The following CC2D1B variants were observed in gnomAD, a reference collection of about 807,000 sequenced individuals.
CC2D1B encodes coiled-coil and C2 domain-containing protein 1B.
CC2D1B carries 92 observed loss-of-function variants against 110.8 expected under a neutral mutation model. That is an observed-to-expected ratio of 0.83 (90% CI 0.70 to 0.99). The LOEUF is 0.99. Ranked by LOEUF, CC2D1B falls within the 50% of genes least tolerant of loss-of-function variation. The probability of loss-of-function intolerance (pLI) is 0.00; values close to 1 mark genes in which losing one functional copy is unlikely to be tolerated. For synonymous variants in CC2D1B, 406 were observed against 429.2 expected (o/e 0.95, Z 0.67); for missense variants, 1,136 against 1,089.0 (o/e 1.04, Z -0.61).
At chr1:52,359,999 T>C in intron 7 of CC2D1B, 75 bp downstream of exon 7, 1 of 1,546,786 alleles carries the variant, frequency 6.5e-7, no homozygotes, top group Non-Finnish European at 8.7e-7. Context: ...TAATGAACAG[T>C]GGTGGCAGGC....
intron 7 of CC2D1B, 33 bp downstream of exon 7, chr1:52,360,041 G>A: frequency 1.3e-6 from 2 of 1,555,814 alleles, no homozygotes; most frequent in Non-Finnish European, 1.7e-6. Flanking sequence ...ATGACCCCAG[G>A]AACTAGAACA....
At chr1:52,355,498 A>G in intron 20 of CC2D1B, 49 bp from the exon 21 acceptor site, 1 of 1,611,502 alleles carries the variant, frequency 6.2e-7, no homozygotes. Flanking sequence ...ACAAAGAGGC[A>G]CACAGGGCAG....
chr1:52,357,898 C>G lies in CC2D1B; in HGVS notation c.1462G>C (p.Gly488Arg), dbSNP rs778588123. ...SAPADKDEDEGEPPAQAPVAK... is the reference protein window; with the variant it reads ...SAPADKDEDEREPPAQAPVAK... ...ACTGGGGCCTGTGCTGGGGGCTCAC[C>G]CTGCAGGTGCCCAGGAGGCTGTTAG... Residue 488 changes from glycine to arginine, a missense_variant and splice_region_variant, in exon 14 of 25, where the codon GGT becomes CGT. Coordinates refer to ENST00000284376, the MANE Select transcript of CC2D1B (RefSeq NM_001330585.2). 3 of 1,546,458 alleles carry G rather than the reference C, an allele frequency of 1.9e-6. No individual in the cohort carries two copies. Among genetic ancestry groups the G allele is most frequent in the Non-Finnish European group, 2.6e-6 (3 of 1,152,854 alleles).
rs1646536315 is a variant in CC2D1B, at chr1:52,351,886, A to AT, written c.*1338_*1339insA. ...CTGGCAGAGAGCTACTCTGTCTCAA[A>AT]AAAAAAAAAAAAAAAAAAATCGGCC... On this transcript the variant is annotated 3_prime_UTR_variant, in exon 25 of 25. Coordinates refer to ENST00000284376, the MANE Select transcript of CC2D1B (RefSeq NM_001330585.2). 6.8e-6 allele frequency: 1 copy of AT among 146,322 alleles called. No homozygotes were observed. Among genetic ancestry groups the AT allele is most frequent in the Admixed American group, 7.0e-5 (1 of 14,234 alleles). The allele number at this position is 146,322 out of a possible 1,614,324, so 9.1% of individuals were successfully genotyped here.
intron 15 of CC2D1B, 149 bp downstream of exon 15, chr1:52,357,377 A>T: frequency 2.1e-6 from 2 of 943,408 alleles, no homozygotes; most frequent in African/African-American, 1.7e-5. Context: ...GAGGTAGAGG[A>T]GTATGAGCAA....
intron 3 of CC2D1B, among the ~76,000 whole-genome samples, 191 bp from the exon 4 acceptor site, chr1:52,361,807 C>A (rs1458673122): frequency 1.3e-5 from 2 of 152,158 alleles, no homozygotes; most frequent in African/African-American, 2.4e-5. Context: ...CTTGGCCCCC[C>A]ACCAAGCAAC....
In CC2D1B at chr1:52,356,079, G is replaced by A. The variant is rs145593443; in HGVS notation, c.2054+107C>T. On this transcript the variant is annotated intron_variant, in intron 18 of 24. Coordinates refer to ENST00000284376, the MANE Select transcript of CC2D1B (RefSeq NM_001330585.2). ...CCTCAGCAGCCCCAGTGCCCACAGC[G>A]GGGCCAGGCTTGGGAAGCCTCACTA... 762 of 1,056,874 alleles carry A rather than the reference G, an allele frequency of 7.2e-4. 4 individuals are homozygous for A. In the Middle Eastern group the frequency reaches 0.013, roughly 18 times the overall value. The allele number at this position is 1,056,874 out of a possible 1,614,324, so 65.5% of individuals were successfully genotyped here.
At chr1:52,353,881 CTCTGT>C in intron 23 of CC2D1B, 1 of 437,674 alleles carries the variant, frequency 2.3e-6, no homozygotes, top group South Asian at 3.3e-5. Flanking sequence ...CATCCTAGAG[CTCTGT>C]TCATTTTCTC....
At chr1:52,365,076 C>T (rs1301364045) in intron 1 of CC2D1B, among the ~76,000 whole-genome samples, 1 of 152,212 alleles carries the variant, frequency 6.6e-6, no homozygotes, top group Non-Finnish European at 1.5e-5. Context: ...GGGCTATGAC[C>T]AGACAGCACA....
At chr1:52,358,143 G>A in intron 13 of CC2D1B, 188 bp downstream of exon 13, 1 of 956,104 alleles carries the variant, frequency 1.0e-6, no homozygotes, top group Non-Finnish European at 1.5e-6. Flanking sequence ...TCTGGGTTCA[G>A]AAAGACCTTG....
intron 11 of CC2D1B, 65 bp downstream of exon 11, chr1:52,358,962 G>A (rs1002267858): frequency 4.7e-5 from 74 of 1,585,786 alleles, no homozygotes; most frequent in Non-Finnish European, 5.9e-5. Context: ...GGAGGACCAG[G>A]GAGACAGAGC....
rs369992910 is a variant in CC2D1B at position 52,359,157 on chromosome 1, A to G, written c.1127T>C (p.Val376Ala). 3.4e-5 allele frequency: 54 copies of G among 1,609,576 alleles called. No homozygotes were observed. In the African/African-American group the frequency reaches 5.2e-4, roughly 16 times the overall value. The change falls in exon 11 of 25, where the codon GTG (valine) becomes GCG (alanine). Residue 376 changes from valine (V) to alanine (A), a missense_variant and splice_region_variant. Coordinates refer to ENST00000284376, the MANE Select transcript of CC2D1B (RefSeq NM_001330585.2). The part of the protein sequence containing the change: ...VMAPDVPATP[V>A]APTESQTVLD... ...CACTGTCTGTGACTCTGTAGGGGCC[A>G]CTTGAAGGAAAGAAGGAAGAAGTGG... is the stretch of plus-strand genomic sequence containing the variant.
Position 52,354,853 on chromosome 1 carries a change from T to C in CC2D1B, c.2326A>G (p.Ile776Val), listed in dbSNP as rs1471309989. ...VIQSKGIKFE[I>V]FHKGSFFRSD... The stretch of plus-strand genomic sequence containing the variant: ...TAGGAGCCTCACCCTTTGTGGAAGA[T>C]CTCAAACTTGATGCCTTTGCTCTGG... The change falls in exon 22 of 25, where the codon ATC becomes GTC. Residue 776 changes from isoleucine to valine, a missense_variant. Coordinates refer to ENST00000284376, the MANE Select transcript of CC2D1B (RefSeq NM_001330585.2). 3.1e-6 allele frequency: 5 copies of C among 1,614,024 alleles called. No individual in the cohort carries two copies. In the Admixed American group the frequency reaches 8.3e-5, roughly 27 times the overall value.
rs1646544405 is a variant in CC2D1B, at chr1:52,352,360, CCT to C, written c.*863_*864del. ...GCCGAAGAGGAAAGGCTTTCCCTGTCCTCTCTCAAGAGGAAGCCACAGCAGCC... is the reference window on the plus strand; with the variant it reads ...GCCGAAGAGGAAAGGCTTTCCCTGTCCTCTCAAGAGGAAGCCACAGCAGCC... On this transcript the variant is annotated 3_prime_UTR_variant, in exon 25 of 25. Transcript: ENST00000284376. 6.6e-6 allele frequency: 1 copy of C among 152,542 alleles called. No homozygotes were observed. The highest frequency in any genetic ancestry group is 1.5e-5 in the Non-Finnish European group (1 of 68,020). 9.4% of individuals were successfully genotyped at this position (152,542 alleles called of 1,614,324 possible).
chr1:52,361,470 A>G (rs760686255), intron 4 of CC2D1B, 43 bp downstream of exon 4: 14 of 1,611,236 alleles, frequency 8.7e-6, no homozygotes, highest in African/African-American at 2.7e-5. Context: ...CACCAGGCCC[A>G]AGCTTGCCTC....
intron 18 of CC2D1B, 136 bp from the exon 19 acceptor site, chr1:52,355,980 C>G: frequency 1.0e-6 from 1 of 978,856 alleles, no homozygotes; most frequent in Non-Finnish European, 1.6e-6. Context: ...ACCTTGATCT[C>G]TGACTTCTGG....
Position 52,358,730 on chromosome 1 carries a change from C to T in CC2D1B, c.1286G>A (p.Arg429Gln), listed in dbSNP as rs1191904938. 4.8e-5 allele frequency: 77 copies of T among 1,612,468 alleles called. No individual in the cohort carries two copies. Among genetic ancestry groups the T allele is most frequent in the Non-Finnish European group, 6.2e-5 (73 of 1,179,548 alleles). The change falls in exon 12 of 25, where the codon CGA (arginine) becomes CAA (glutamine). Residue 429 changes from arginine (R) to glutamine (Q), a missense_variant. By Grantham distance (43) the Arg-to-Gln change is conservative. Transcript: ENST00000284376. ...KQYQDAIRAHRAGRKVNFAEL... is the reference protein window; with the variant it reads ...KQYQDAIRAHQAGRKVNFAEL... ...AGCAAAGTTGACTTTCCGTCCTGCT[C>T]GGTGTGCTCGAATAGCATCTTGATA...
Position 52,360,138 on chromosome 1 carries a change from G to T in CC2D1B, c.699C>A (p.Ala233=), listed in dbSNP as rs758010500. Residue 233 remains alanine (A), a synonymous_variant, in exon 7 of 25, where the codon GCC becomes GCA. Coordinates refer to ENST00000284376, the MANE Select transcript of CC2D1B (RefSeq NM_001330585.2). ...GGCTCCTGTTGGCTGGTTCCTGGGG[G>T]GCCAGGGGCCGCTTTCCTAAGGCCA... ...PPVALGKRPL[A]PQEPANRSPE... 2.5e-6 allele frequency: 4 copies of T among 1,610,624 alleles called. No individual in the cohort carries two copies. The African/African-American group carries it at 5.3e-5, about 22-fold the overall frequency.
intron 1 of CC2D1B, among the ~76,000 whole-genome samples, chr1:52,365,779 G>C (rs1264806223): frequency 6.7e-6 from 1 of 149,876 alleles, no homozygotes; most frequent in Admixed American, 6.6e-5. Flanking sequence ...CGGGCGTGGA[G>C]GCGGCGGGGA....
Sources: allele counts gnomAD v4.1 joint callset (sites outside exome capture counted in the v4.1 genomes callset), GRCh38; gene constraint gnomAD v4.1.1; transcripts MANE v1.5; gene names NCBI Gene and HGNC (gene_info 2026-07-23, HGNC 2026-07-21).